Variants in XRCC5 observed in about 807,000 individuals in gnomAD.
XRCC5 encodes DNA repair protein Ku80.
Under a neutral mutation model 95.7 loss-of-function variants are expected in XRCC5, and 12 were observed. That is an observed-to-expected ratio of 0.13 (90% CI 0.08 to 0.20). The LOEUF is 0.20. Ranked by LOEUF, XRCC5 falls within the 10% of genes least tolerant of loss-of-function variation. The pLI is 1.00. For missense variants in XRCC5, 595 were observed against 873.9 expected (o/e 0.68, Z 4.02); for synonymous variants, 281 against 290.3 (o/e 0.97, Z 0.33).
intron 5 of XRCC5, among the ~76,000 whole-genome samples, chr2:216,120,463 C>G (rs1696783424): frequency 6.6e-6 from 1 of 152,156 alleles, no homozygotes; most frequent in South Asian, 2.1e-4. Flanking sequence ...CTCCAGCATA[C>G]AAAGTAGAGT....
intron 17 of XRCC5, among the ~76,000 whole-genome samples, chr2:216,192,318 G>A (rs1437943950): frequency 6.6e-6 from 1 of 152,128 alleles, no homozygotes; most frequent in African/African-American, 2.4e-5. Flanking sequence ...TTGAAGCTGG[G>A]TTATGAGTGT....
chr2:216,119,032 C>T lies in XRCC5; in HGVS notation c.369-11C>T, dbSNP rs756899770. 8.2e-5 allele frequency: 132 copies of T among 1,612,784 alleles called. 2 individuals carry two copies. In the South Asian group the frequency reaches 1.3e-3, roughly 16 times the overall value. ...AGAATGATTTCTTAATATGATAACT[C>T]TCTCTTTTAGAGGAAAGAAGTTTGA... On this transcript the variant is annotated splice_polypyrimidine_tract_variant and intron_variant, in intron 4 of 20. Transcript: ENST00000392132.
chr2:216,189,510 T>C (rs1245453507), intron 16 of XRCC5, among the ~76,000 whole-genome samples: 1 of 152,250 alleles, frequency 6.6e-6, no homozygotes, highest in Non-Finnish European at 1.5e-5. Flanking sequence ...AGGTGTAATC[T>C]ACTTTGGAAA....
At position 216,190,251 on chromosome 2, in the gene XRCC5, G is replaced by A. The variant is rs762387474; in HGVS notation, c.1861G>A (p.Glu621Lys). ...GAGTAACCAGCTCATAAATCACATC[G>A]AACAGTTTTTGGATACTAATGAAAC... ...EASNQLINHI[E>K]QFLDTNETPY... The change falls in exon 17 of 21, where the codon GAA (glutamate) becomes AAA (lysine). Residue 621 changes from glutamate to lysine, a missense_variant. By Grantham distance (56) the Glu-to-Lys change is moderately conservative. This residue lies in a region of XRCC5 where 309 missense variants were observed against 382.9 expected (regional missense o/e 0.81). Transcript: ENST00000392132. The A allele has an allele frequency of 3.5e-5, 56 of 1,613,518 alleles. No individual in the cohort carries two copies. Among genetic ancestry groups the A allele is most frequent in the East Asian group, 2.2e-4 (10 of 44,876 alleles).
chr2:216,192,505 T>C, intron 17 of XRCC5, 134 bp from the exon 18 acceptor site: 1 of 507,940 alleles, frequency 2.0e-6, no homozygotes, highest in Non-Finnish European at 3.4e-6. Flanking sequence ...CAGCTTCCCA[T>C]GTACCAAAGA....
At chr2:216,160,312 A>T (rs1443457995) in intron 15 of XRCC5, 151 bp downstream of exon 15, 1 of 488,084 alleles carries the variant, frequency 2.0e-6, no homozygotes, top group East Asian at 3.3e-5. Context: ...AGCCAAAAAG[A>T]CCCATTCCAT....
At chr2:216,129,661 A>G (rs1311111115) in intron 8 of XRCC5, among the ~76,000 whole-genome samples, 3 of 152,284 alleles carry the variant, frequency 2.0e-5, no homozygotes, top group Non-Finnish European at 2.9e-5. Context: ...TAAAAAAGAC[A>G]TACATGGAAA....
intron 17 of XRCC5, among the ~76,000 whole-genome samples, chr2:216,192,085 G>C (rs1436001464): frequency 3.3e-5 from 5 of 152,064 alleles, no homozygotes; most frequent in African/African-American, 1.2e-4. Flanking sequence ...TGCAACCTCC[G>C]CCTCCCGGGT....
intron 14 of XRCC5, chr2:216,156,872 C>A: frequency 2.9e-6 from 1 of 339,346 alleles, no homozygotes. Context: ...ATGCTGGGCT[C>A]GGTGCCCACT....
chr2:216,163,743 C>G (rs1488749414), intron 16 of XRCC5, among the ~76,000 whole-genome samples: 2 of 152,196 alleles, frequency 1.3e-5, no homozygotes, highest in African/African-American at 4.8e-5. Context: ...AGCTGAGCCT[C>G]AGAGAGAGCT....
chr2:216,191,932 G>A (rs1689621536), intron 17 of XRCC5, among the ~76,000 whole-genome samples: 1 of 152,224 alleles, frequency 6.6e-6, no homozygotes, highest in South Asian at 2.1e-4. Flanking sequence ...ATAATTGGAG[G>A]GTTATGGGAG....
At chr2:216,140,784 G>GT (rs1487258392) in intron 12 of XRCC5, among the ~76,000 whole-genome samples, 1 of 152,116 alleles carries the variant, frequency 6.6e-6, no homozygotes, top group African/African-American at 2.4e-5. Flanking sequence ...TACCAGAGAG[G>GT]TTTTTTCTTT....
intron 15 of XRCC5, 106 bp downstream of exon 15, chr2:216,160,267 A>G: frequency 1.5e-6 from 1 of 671,978 alleles, no homozygotes; most frequent in East Asian, 3.0e-5. Flanking sequence ...TCAAGTTAAG[A>G]TCATGATCAC....
intron 16 of XRCC5, among the ~76,000 whole-genome samples, chr2:216,188,739 T>C (rs1421978578): frequency 6.6e-6 from 1 of 152,238 alleles, no homozygotes; most frequent in Non-Finnish European, 1.5e-5. Flanking sequence ...GATGGTTTTC[T>C]GCTCTGCCTA....
rs181189647 is a variant in XRCC5 at position 216,137,906 on chromosome 2, A to G, written c.1252-183A>G. ...TTCTCTTATGCTTAATATTCTTTAT[A>G]CTGTTTGCAGTTGTGAACAGCCAGT... On this transcript the variant is annotated intron_variant, in intron 11 of 20. Transcript: ENST00000392132. 2.6e-5 allele frequency among the ~76,000 whole-genome samples: 4 copies of G among 152,294 alleles called. No individual in the cohort carries two copies. The East Asian group carries it at 7.7e-4, about 29-fold the overall frequency.
chr2:216,113,268 A>C (rs1574448510), intron 2 of XRCC5, 139 bp downstream of exon 2: 2 of 642,952 alleles, frequency 3.1e-6, no homozygotes, highest in Middle Eastern at 3.2e-4. Flanking sequence ...CCTTACATGT[A>C]CTCACATACA....
At chr2:216,167,705 A>G (rs1052774851) in intron 16 of XRCC5, among the ~76,000 whole-genome samples, 2 of 152,064 alleles carry the variant, frequency 1.3e-5, no homozygotes, top group Non-Finnish European at 2.9e-5. Flanking sequence ...AGATAAAAAT[A>G]TGGCGTTTTT....
At position 216,160,158 on chromosome 2, in the gene XRCC5, C is replaced by T; in HGVS notation, c.1761C>T (p.Thr587=). 2 of 1,602,056 alleles carry T rather than the reference C, an allele frequency of 1.2e-6. No individual in the cohort carries two copies. Among genetic ancestry groups the T allele is most frequent in the Non-Finnish European group, 1.7e-6 (2 of 1,173,888 alleles). Residue 587 remains threonine, a synonymous_variant, in exon 15 of 21, where the codon ACC becomes ACT. Coordinates refer to ENST00000392132, the MANE Select transcript of XRCC5 (RefSeq NM_021141.4). ...SVSSLAEGSV[T]SVGSVNPAEN... ...CCAGTCTGGCTGAAGGCAGTGTCAC[C>T]TCTGTAAGCTAAGCTTTTCAAGTGC...
intron 2 of XRCC5, among the ~76,000 whole-genome samples, chr2:216,115,464 A>G (rs1329636241): frequency 1.3e-5 from 2 of 152,206 alleles, no homozygotes; most frequent in Admixed American, 1.3e-4. Flanking sequence ...ATACCTGCCC[A>G]GCCAGTATGC....
Sources: gnomAD v4.1 joint callset for allele counts (sites outside exome capture counted in the v4.1 genomes callset) on GRCh38, gnomAD v4.1.1 for gene constraint, gnomAD v4.1.1 regional missense constraint, MANE v1.5 for transcripts, NCBI Gene and HGNC (gene_info 2026-07-23, HGNC 2026-07-21) for gene names.